The following TRPV4 variants were observed in gnomAD, a reference collection of about 807,000 sequenced individuals.
TRPV4 encodes transient receptor potential cation channel subfamily V member 4, also known as OSM9-like transient receptor potential channel 4.
TRPV4 carries 58 observed loss-of-function variants against 84.1 expected under a neutral mutation model. The ratio of observed to expected loss-of-function variants is 0.69; its 90% confidence interval spans 0.56 to 0.86. The LOEUF (loss-of-function observed/expected upper bound fraction) is 0.86, where lower values mean the gene tolerates loss of function less well. TRPV4 is among the 40% of genes least tolerant of loss of function. The probability of loss-of-function intolerance (pLI) is 0.00; values close to 1 mark genes in which losing one functional copy is unlikely to be tolerated. For synonymous variants in TRPV4, 489 were observed against 500.9 expected (o/e 0.98, Z 0.32); for missense variants, 879 against 1,181.1 (o/e 0.74, Z 3.75).
At chr12:109,813,888 A>G (rs1288668327) in intron 2 of TRPV4, among the ~76,000 whole-genome samples, 1 of 151,916 alleles carries the variant, frequency 6.6e-6, no homozygotes, top group East Asian at 1.9e-4. Context: ...AGATGGATGG[A>G]TAGTAGATAG....
In TRPV4 at chr12:109,784,377, C is replaced by T. The variant is rs141301107; in HGVS notation, c.2397G>A (p.Pro799=). ...AATACTGGTAGGTCTCATTCTTGCC[C>T]GGGTCCTCGTTGATGATGCCCAAGT... ...NQNLGIINED[P]GKNETYQYYG... Residue 799 remains proline (P), a synonymous_variant, in exon 15 of 16, where the codon CCG becomes CCA. Coordinates refer to ENST00000261740, the MANE Select transcript of TRPV4 (RefSeq NM_021625.5). 9 of 1,614,152 alleles carry T rather than the reference C, an allele frequency of 5.6e-6. No individual in the cohort carries two copies. The highest frequency in any genetic ancestry group is 2.2e-5 in the East Asian group (1 of 44,872).
intron 2 of TRPV4, among the ~76,000 whole-genome samples, chr12:109,809,184 AT>A (rs1891351243): frequency 7.3e-6 from 1 of 137,708 alleles, no homozygotes; most frequent in Non-Finnish European, 1.5e-5. Flanking sequence ...CCATCCACCC[AT>A]CCATCCACTT....
chr12:109,806,369 T>A (rs201621879), intron 3 of TRPV4, among the ~76,000 whole-genome samples: 12 of 149,458 alleles, frequency 8.0e-5, no homozygotes, highest in African/African-American at 2.7e-4. Context: ...TTTTTTTTTT[T>A]TTTTTTTGTA....
intron 8 of TRPV4, 119 bp downstream of exon 8, chr12:109,794,210 G>A: frequency 7.2e-7 from 1 of 1,396,046 alleles, no homozygotes. Context: ...TCCCCAACCT[G>A]TTCCTAAACC....
intron 5 of TRPV4, among the ~76,000 whole-genome samples, chr12:109,800,104 G>A (rs1327713378): frequency 2.0e-5 from 3 of 151,900 alleles, no homozygotes; most frequent in Non-Finnish European, 2.9e-5. Context: ...CACCATGCCC[G>A]GCTAATTTTT....
intron 7 of TRPV4, among the ~76,000 whole-genome samples, chr12:109,794,792 C>T (rs565334614): frequency 4.7e-4 from 71 of 152,270 alleles, no homozygotes; most frequent in African/African-American, 1.7e-3. Flanking sequence ...CCAAGACAGG[C>T]GGATCACCTA....
rs532756756 is a variant in TRPV4 at position 109,814,632 on chromosome 12, A to G, written c.165T>C (p.Ser55=). ...GCCCATCGCCTGGGCCAGCAGGGCG[A>G]CTGGCATCAGCCGGTGAGGGCGAAA... ...GSLSPSPADA[S]RPAGPGDGRP... The change falls in exon 2 of 16, where the codon AGT becomes AGC. Residue 55 remains serine, a synonymous_variant. Transcript: ENST00000261740. The surrounding 1 kb of genome is among the most constrained non-coding windows in gnomAD (Gnocchi z 5.4). 1.2e-6 allele frequency: 2 copies of G among 1,613,906 alleles called. No homozygotes were observed. The highest frequency in any genetic ancestry group is 2.2e-5 in the South Asian group (2 of 91,080).
intron 7 of TRPV4, among the ~76,000 whole-genome samples, chr12:109,795,104 T>C (rs763083363): frequency 1.3e-5 from 2 of 152,250 alleles, no homozygotes; most frequent in Admixed American, 6.5e-5. Flanking sequence ...AAATAATTTA[T>C]GTAACTTGCT....
At position 109,802,619 on chromosome 12, in the gene TRPV4, T is replaced by TTTA. The variant is rs1592845535; in HGVS notation, c.712+371_712+372insTAA. On this transcript the variant is annotated intron_variant, in intron 4 of 15. Coordinates refer to ENST00000261740, the MANE Select transcript of TRPV4 (RefSeq NM_021625.5). ...ACCTGGCCTTCTTTTATTTTATTTTTTTTTTTTTGTATCTTTTGTCAAGAC... is the reference window on the plus strand; with the variant it reads ...ACCTGGCCTTCTTTTATTTTATTTTTTTATTTTTTTTGTATCTTTTGTCAAGAC... Among the ~76,000 whole-genome samples the TTTA allele has an allele frequency of 5.0e-5, 5 of 100,440 alleles. No individual in the cohort carries two copies. In the East Asian group the frequency reaches 1.1e-3, roughly 22 times the overall value. The allele number at this position is 100,440 out of a possible 152,430, so 65.9% of individuals were successfully genotyped here.
At chr12:109,792,262 A>ATG in intron 12 of TRPV4, 101 bp downstream of exon 12, 1 of 910,868 alleles carries the variant, frequency 1.1e-6, no homozygotes, top group Non-Finnish European at 1.6e-6. Flanking sequence ...AAAAAAAAAA[A>ATG]AAAGAACTCA....
At chr12:109,792,022 G>A (rs905301341) in intron 12 of TRPV4, among the ~76,000 whole-genome samples, 2 of 151,162 alleles carry the variant, frequency 1.3e-5, no homozygotes, top group East Asian at 2.0e-4. Context: ...CCTGAGGTCA[G>A]GAGTTCAAGA....
At chr12:109,805,552 G>A (rs1194048957) in intron 3 of TRPV4, among the ~76,000 whole-genome samples, 1 of 152,148 alleles carries the variant, frequency 6.6e-6, no homozygotes. Context: ...GAAACTCTGC[G>A]GAGGGGAGGT....
intron 15 of TRPV4, 115 bp downstream of exon 15, chr12:109,784,201 A>T (rs575343990): frequency 1.2e-5 from 18 of 1,522,294 alleles, no homozygotes; most frequent in Admixed American, 1.7e-5. Context: ...TCAGGGGCAC[A>T]CTCTCTCATT....
rs1592811559 is a variant in TRPV4, at chr12:109,783,411, T to C, written c.*210A>G. On this transcript the variant is annotated 3_prime_UTR_variant, in exon 16 of 16. Transcript: ENST00000261740. The surrounding 1 kb of genome is among the most constrained non-coding windows in gnomAD (Gnocchi z 4.6). Reference sequence around the variant, plus strand: ...TCTGGCGTTGGCTTATGTGACTCCATAGGAGCAAGACAGGTGGCCGGGAGC... The same window carrying C: ...TCTGGCGTTGGCTTATGTGACTCCACAGGAGCAAGACAGGTGGCCGGGAGC... The C allele has an allele frequency of 3.3e-6, 2 of 598,012 alleles. No individual in the cohort carries two copies. The highest frequency in any genetic ancestry group is 2.9e-5 in the East Asian group (1 of 34,368). The allele number at this position is 598,012 out of a possible 1,614,324, so 37.0% of individuals were successfully genotyped here. A position where few individuals can be genotyped will look rare whatever the true frequency, so the allele number is the denominator to read the frequency against.
At chr12:109,785,240 T>A (rs1050027529) in intron 14 of TRPV4, among the ~76,000 whole-genome samples, 11 of 152,090 alleles carry the variant, frequency 7.2e-5, no homozygotes, top group African/African-American at 2.7e-4. Flanking sequence ...GGTCTTGAAC[T>A]CCTGGGCTCA....
chr12:109,798,079 A>G lies in TRPV4; in HGVS notation c.1152+535T>C, dbSNP rs982087532. On this transcript the variant is annotated intron_variant, in intron 6 of 15. Coordinates refer to ENST00000261740, the MANE Select transcript of TRPV4 (RefSeq NM_021625.5). The surrounding 1 kb of genome is among the most constrained non-coding windows in gnomAD (Gnocchi z 5.0). The stretch of plus-strand genomic sequence containing the variant: ...AGGACAATTCAGCAATGTTCTGGAG[A>G]TATTTTTGGTGGTCACAAGTGTAAG... Among the ~76,000 whole-genome samples the G allele has an allele frequency of 6.6e-6, 1 of 152,132 alleles. No individual in the cohort carries two copies. The highest frequency in any genetic ancestry group is 2.4e-5 in the African/African-American group (1 of 41,422).
chr12:109,794,120 T>C (rs1592830416), intron 8 of TRPV4, 98 bp from the exon 9 acceptor site: 7 of 1,170,742 alleles, frequency 6.0e-6, no homozygotes, highest in South Asian at 5.3e-5. Context: ...CGGCATCCCA[T>C]GGAGCCTCCT....
intron 12 of TRPV4, among the ~76,000 whole-genome samples, chr12:109,790,822 A>G (rs1344388286): frequency 6.6e-6 from 1 of 152,244 alleles, no homozygotes; most frequent in African/African-American, 2.4e-5. Flanking sequence ...GGCAGCAGTG[A>G]TGCCATGCCA....
At chr12:109,808,490 G>A (rs772200121) in intron 2 of TRPV4, 22 bp from the exon 3 acceptor site, 2 of 1,605,164 alleles carry the variant, frequency 1.2e-6, no homozygotes, top group South Asian at 2.2e-5. Flanking sequence ...AGGGAGGCAA[G>A]TTGATGGGAG....
Sources: gnomAD v4.1 joint callset for allele counts (sites outside exome capture counted in the v4.1 genomes callset) on GRCh38, gnomAD v4.1.1 for gene constraint, Gnocchi (gnomAD v3.1) non-coding constraint, MANE v1.5 for transcripts, NCBI Gene and HGNC (gene_info 2026-07-23, HGNC 2026-07-21) for gene names.